The following SGCZ variants were observed in gnomAD, a reference collection of about 807,000 sequenced individuals.
SGCZ encodes zeta-sarcoglycan.
In SGCZ, 40 loss-of-function variants were observed where a neutral mutation model predicts 41.3. That is an observed-to-expected ratio of 0.97 (90% CI 0.75 to 1.26). The LOEUF (loss-of-function observed/expected upper bound fraction) is 1.26. Ranked by LOEUF, SGCZ falls within the 50% of genes most tolerant of loss-of-function variation. SGCZ has a pLI of 0.00. For missense variants in SGCZ, 552 were observed against 369.8 expected (o/e 1.49, Z -4.04); for synonymous variants, 206 against 137.5 (o/e 1.50, Z -3.49).
chr8:15,039,034 T>G (rs1803979113), intron 1 of SGCZ, among the ~76,000 whole-genome samples: 1 of 152,060 alleles, frequency 6.6e-6, no homozygotes, highest in Admixed American at 6.5e-5. Context: ...TTGGTGGGAA[T>G]GTAAATTAGT....
At chr8:14,521,241 A>T (rs947114462) in intron 2 of SGCZ, among the ~76,000 whole-genome samples, 1 of 152,040 alleles carries the variant, frequency 6.6e-6, no homozygotes, top group Admixed American at 6.6e-5. Flanking sequence ...CCTGACAACC[A>T]CTAATCTCTT....
Position 14,102,512 on chromosome 8 carries a change from C to CA in SGCZ, c.621-14dup, listed in dbSNP as rs377492696. 1.2e-4 allele frequency: 168 copies of CA among 1,371,038 alleles called. 1 individual carries two copies. In the African/African-American group the frequency reaches 1.7e-3, roughly 14 times the overall value. 84.9% of individuals were successfully genotyped at this position (1,371,038 alleles called of 1,614,324 possible). ...GGGTGATTCAAGCCTAAGGGAAAAA[C>CA]AAAAAATCATTAATAGGAAAAAAAA... On this transcript the variant is annotated splice_polypyrimidine_tract_variant and intron_variant, in intron 6 of 7. Transcript: ENST00000382080.
At chr8:14,268,624 C>A (rs1160371966) in intron 3 of SGCZ, among the ~76,000 whole-genome samples, 2 of 151,692 alleles carry the variant, frequency 1.3e-5, no homozygotes, top group African/African-American at 4.8e-5. Context: ...TACATTTTAT[C>A]TTTGGCTTGC....
intron 1 of SGCZ, among the ~76,000 whole-genome samples, chr8:14,748,751 T>C (rs1483029034): frequency 7.3e-6 from 1 of 137,844 alleles, no homozygotes; most frequent in South Asian, 2.4e-4. Context: ...TGTTGAACAC[T>C]AGAAATAAAA....
chr8:14,783,615 T>C (rs1318638814), intron 1 of SGCZ, among the ~76,000 whole-genome samples: 1 of 152,190 alleles, frequency 6.6e-6, no homozygotes, highest in Admixed American at 6.5e-5. Flanking sequence ...CAATTCCTGC[T>C]GGTTTCCTTT....
At chr8:14,475,868 C>G (rs565216500) in intron 2 of SGCZ, among the ~76,000 whole-genome samples, 2 of 152,160 alleles carry the variant, frequency 1.3e-5, no homozygotes, top group Admixed American at 1.3e-4. Context: ...CAGGGTCTGT[C>G]TGTGTCACTC....
At chr8:15,042,182 A>C (rs1359620162) in intron 1 of SGCZ, among the ~76,000 whole-genome samples, 5 of 152,300 alleles carry the variant, frequency 3.3e-5, no homozygotes, top group African/African-American at 1.2e-4. Flanking sequence ...AAACAAGCCT[A>C]AAGTTACCTA....
intron 2 of SGCZ, among the ~76,000 whole-genome samples, chr8:14,405,963 G>C (rs952482366): frequency 2.0e-5 from 3 of 152,104 alleles, no homozygotes; most frequent in African/African-American, 4.8e-5. Flanking sequence ...GTTTACCTTT[G>C]TCATATTTAT....
At chr8:15,135,397 A>G (rs2116983119) in intron 1 of SGCZ, among the ~76,000 whole-genome samples, 1 of 152,354 alleles carries the variant, frequency 6.6e-6, no homozygotes. Flanking sequence ...GAATGATGTT[A>G]AATGAAAAAT....
At chr8:14,976,979 T>C (rs911431071) in intron 1 of SGCZ, among the ~76,000 whole-genome samples, 11 of 152,356 alleles carry the variant, frequency 7.2e-5, no homozygotes, top group African/African-American at 2.4e-4. Flanking sequence ...TTCACTTTCT[T>C]TGTGAGAGAT....
At chr8:14,139,306 A>C (rs1226345191) in intron 5 of SGCZ, among the ~76,000 whole-genome samples, 1 of 152,216 alleles carries the variant, frequency 6.6e-6, no homozygotes, top group Non-Finnish European at 1.5e-5. Flanking sequence ...GAGCAAACAC[A>C]TTCCAAAGCT....
chr8:14,382,390 C>A (rs1021701918), intron 2 of SGCZ, among the ~76,000 whole-genome samples: 9 of 151,922 alleles, frequency 5.9e-5, no homozygotes, highest in Admixed American at 5.2e-4. Context: ...ATATACAGAC[C>A]TGTCTGATGG....
intron 1 of SGCZ, among the ~76,000 whole-genome samples, chr8:14,838,941 T>A (rs571417450): frequency 6.6e-6 from 1 of 152,192 alleles, no homozygotes; most frequent in Non-Finnish European, 1.5e-5. Flanking sequence ...AGGAAGCAGG[T>A]GGACCAAGCA....
At chr8:14,229,372 G>A (rs984872047) in intron 4 of SGCZ, among the ~76,000 whole-genome samples, 17 of 151,966 alleles carry the variant, frequency 1.1e-4, no homozygotes, top group Non-Finnish European at 1.0e-4. Flanking sequence ...CAAAGACTGA[G>A]AGCTCTAATT....
chr8:14,285,862 A>G (rs919073708), intron 3 of SGCZ, among the ~76,000 whole-genome samples: 9 of 152,142 alleles, frequency 5.9e-5, no homozygotes, highest in Non-Finnish European at 8.8e-5. Context: ...TTACTTACAT[A>G]TGAAATTCCT....
chr8:14,273,582 T>A (rs1800127469), intron 3 of SGCZ, among the ~76,000 whole-genome samples: 1 of 152,186 alleles, frequency 6.6e-6, no homozygotes, highest in African/African-American at 2.4e-5. Flanking sequence ...TTAACTACAC[T>A]ACATACTACT....
rs1554524345 is a variant in SGCZ, at chr8:14,479,745, T to TC, written c.234+74986_234+74987insG. 2.5e-4 allele frequency among the ~76,000 whole-genome samples: 25 copies of TC among 102,026 alleles called. No individual in the cohort carries two copies. The South Asian group carries it at 4.0e-3, about 16-fold the overall frequency. The allele number at this position is 102,026 out of a possible 152,430, so 66.9% of individuals were successfully genotyped here. A position where few individuals can be genotyped will look rare whatever the true frequency, so the allele number is the denominator to read the frequency against. ...GAATTCTACTTCTTTTTTTTTTTTT[T>TC]TTTTTTTTTTTTTTTTATTTGAGAT... On this transcript the variant is annotated intron_variant, in intron 2 of 7. Coordinates refer to ENST00000382080, the MANE Select transcript of SGCZ (RefSeq NM_139167.4).
chr8:14,732,901 T>C (rs1394051347), intron 1 of SGCZ, among the ~76,000 whole-genome samples: 1 of 147,906 alleles, frequency 6.8e-6, no homozygotes. Flanking sequence ...TTAGACATCA[T>C]GTTCTAAAAC....
intron 1 of SGCZ, among the ~76,000 whole-genome samples, chr8:14,570,023 A>G (rs1265482747): frequency 6.6e-6 from 1 of 151,196 alleles, no homozygotes; most frequent in Non-Finnish European, 1.5e-5. Flanking sequence ...ATTCCTCATT[A>G]CCTTCATCTC....
Sources: allele counts gnomAD v4.1 joint callset (sites outside exome capture counted in the v4.1 genomes callset), GRCh38; gene constraint gnomAD v4.1.1; transcripts MANE v1.5; gene names NCBI Gene and HGNC (gene_info 2026-07-23, HGNC 2026-07-21).